The following CALN1 variants were observed in gnomAD, a reference collection of about 807,000 sequenced individuals.
The protein encoded by CALN1 is calneuron 1, also known as calcium-binding protein 8.
Under a neutral mutation model 30.6 loss-of-function variants are expected in CALN1, and 17 were observed. That is an observed-to-expected ratio of 0.56 (90% CI 0.38 to 0.83). The LOEUF (loss-of-function observed/expected upper bound fraction) is 0.83. CALN1 is among the 40% of genes least tolerant of loss of function. The pLI is 0.00. For synonymous variants in CALN1, 156 were observed against 131.4 expected, an observed-to-expected ratio of 1.19 and a Z score of -1.28; for missense variants, 291 against 354.9, an observed-to-expected ratio of 0.82 and a Z score of 1.45.
At chr7:72,265,465 T>C (rs1250034698) in intron 3 of CALN1, among the ~76,000 whole-genome samples, 2 of 152,202 alleles carry the variant, frequency 1.3e-5, no homozygotes, top group Non-Finnish European at 1.5e-5. Flanking sequence ...ATCGGAATGA[T>C]GGGTTTTGGC....
intron 4 of CALN1, among the ~76,000 whole-genome samples, chr7:72,073,498 C>A (rs1245530418): frequency 1.3e-5 from 2 of 152,136 alleles, no homozygotes; most frequent in African/African-American, 4.8e-5. Context: ...TCTGTGGCTT[C>A]AAAAACCTAC....
At chr7:72,027,612 G>A (rs535965955) in intron 4 of CALN1, among the ~76,000 whole-genome samples, 9 of 151,884 alleles carry the variant, frequency 5.9e-5, no homozygotes, top group Non-Finnish European at 1.2e-4. Context: ...GTGGGACGCA[G>A]AAGCAGGAAA....
rs187750630 is a variant in CALN1 at position 72,366,880 on chromosome 7, T to C, written c.119+36371A>G. Among the ~76,000 whole-genome samples the C allele has an allele frequency of 2.1e-3, 324 of 151,782 alleles. 3 individuals are homozygous for C. The highest frequency in any genetic ancestry group is 7.5e-3 in the African/African-American group (310 of 41,428). On this transcript the variant is annotated intron_variant, in intron 2 of 6. Transcript: ENST00000395275. ...CAAAAGACATGCACTAGAATATTTA[T>C]AGCAGCACTATCGAGAATAGCCCCA...
chr7:72,126,575 T>C (rs766279139), intron 3 of CALN1, among the ~76,000 whole-genome samples: 12 of 152,190 alleles, frequency 7.9e-5, no homozygotes, highest in Non-Finnish European at 1.5e-4. Flanking sequence ...ATGTACACTG[T>C]ACCCAGTTTG....
intron 2 of CALN1, among the ~76,000 whole-genome samples, chr7:72,297,315 G>T (rs1798933015): frequency 6.6e-6 from 1 of 151,684 alleles, no homozygotes; most frequent in South Asian, 2.1e-4. Context: ...AAGAAAATAG[G>T]AAAAAAAGGA....
At chr7:72,135,500 G>A (rs754619583) in intron 3 of CALN1, among the ~76,000 whole-genome samples, 2 of 152,176 alleles carry the variant, frequency 1.3e-5, no homozygotes, top group African/African-American at 2.4e-5. Flanking sequence ...GGGTGACCAG[G>A]TGCATTGTCA....
chr7:72,406,628 C>CTTT (rs71914682), intron 1 of CALN1, among the ~76,000 whole-genome samples: 2 of 144,732 alleles, frequency 1.4e-5, no homozygotes, highest in African/African-American at 5.2e-5. Flanking sequence ...TTTTTTTTTT[C>CTTT]TTTTTTAAGA....
chr7:72,148,372 A>G (rs1382038042), intron 3 of CALN1, among the ~76,000 whole-genome samples: 1 of 151,120 alleles, frequency 6.6e-6, no homozygotes, highest in East Asian at 1.9e-4. Context: ...ATTCGAGGCC[A>G]GCCTAGGCAA....
At chr7:72,095,236 A>C (rs1806136973) in intron 4 of CALN1, among the ~76,000 whole-genome samples, 1 of 152,146 alleles carries the variant, frequency 6.6e-6, no homozygotes, top group African/African-American at 2.4e-5. Context: ...GTGAGGACTA[A>C]GTAAGTTAAT....
intron 5 of CALN1, among the ~76,000 whole-genome samples, chr7:71,939,163 T>C (rs1211540133): frequency 6.6e-6 from 1 of 152,124 alleles, no homozygotes; most frequent in Admixed American, 6.6e-5. Context: ...GGTCAGGAAT[T>C]AGGAATACTA....
At chr7:72,379,386 A>G (rs1804758665) in intron 2 of CALN1, among the ~76,000 whole-genome samples, 2 of 152,250 alleles carry the variant, frequency 1.3e-5, no homozygotes, top group South Asian at 2.1e-4. Flanking sequence ...ATTAATGGCA[A>G]TGGTAATAGC....
chr7:72,406,231 A>C (rs1023275490), intron 1 of CALN1, among the ~76,000 whole-genome samples: 3 of 152,098 alleles, frequency 2.0e-5, no homozygotes, highest in African/African-American at 7.2e-5. Flanking sequence ...GCCCTGCACA[A>C]GCCGGACTAA....
chr7:71,975,406 A>G (rs1798054132), intron 5 of CALN1, among the ~76,000 whole-genome samples: 1 of 152,080 alleles, frequency 6.6e-6, no homozygotes, highest in African/African-American at 2.4e-5. Flanking sequence ...TTCATGGAAC[A>G]TACCTGTGCT....
At chr7:71,858,404 C>T (rs543544115) in intron 5 of CALN1, among the ~76,000 whole-genome samples, 2 of 152,126 alleles carry the variant, frequency 1.3e-5, no homozygotes, top group South Asian at 4.2e-4. Context: ...TAATGCAACT[C>T]CCAAATCACT....
intron 2 of CALN1, among the ~76,000 whole-genome samples, chr7:72,351,890 A>ATAG (rs1273913151): frequency 1.3e-5 from 2 of 152,218 alleles, no homozygotes; most frequent in African/African-American, 4.8e-5. Context: ...TATTAAATTT[A>ATAG]TAGAGCACTA....
intron 4 of CALN1, among the ~76,000 whole-genome samples, chr7:72,076,711 G>A (rs1437233840): frequency 7.5e-6 from 1 of 133,584 alleles, no homozygotes; most frequent in Admixed American, 8.6e-5. Context: ...GAAAACAGTA[G>A]TGGGCAGCCA....
chr7:71,961,695 TAGA>T, intron 5 of CALN1, among the ~76,000 whole-genome samples: 1 of 152,190 alleles, frequency 6.6e-6, no homozygotes, highest in East Asian at 1.9e-4. Flanking sequence ...CTGATCTCTG[TAGA>T]TTGCATCTCC....
intron 5 of CALN1, among the ~76,000 whole-genome samples, chr7:71,882,364 TC>T (rs1335420599): frequency 6.6e-6 from 1 of 152,130 alleles, no homozygotes; most frequent in Non-Finnish European, 1.5e-5. Context: ...TCCAGAAGAA[TC>T]TCTCCTTCTC....
intron 5 of CALN1, among the ~76,000 whole-genome samples, chr7:71,832,630 T>G (rs1789357605): frequency 1.3e-5 from 2 of 152,322 alleles, no homozygotes; most frequent in South Asian, 4.1e-4. Context: ...TGAGACAGTC[T>G]TGCTCTGTCG....
Sources: gnomAD v4.1 joint callset for allele counts (sites outside exome capture counted in the v4.1 genomes callset) on GRCh38, gnomAD v4.1.1 for gene constraint, MANE v1.5 for transcripts, NCBI Gene and HGNC (gene_info 2026-07-23, HGNC 2026-07-21) for gene names.